Variants in WDR70 observed in about 807,000 individuals in gnomAD.
WDR70 encodes WD repeat domain 70, also known as WD repeat-containing protein 70.
A neutral mutation model predicts 88.6 loss-of-function variants in WDR70; 53 were observed. That is an observed-to-expected ratio of 0.60 (90% CI 0.48 to 0.75). The LOEUF (loss-of-function observed/expected upper bound fraction) is 0.75. Among genes scored for constraint, WDR70 ranks in the 30% least tolerant of loss-of-function variants. The pLI is 0.00. For synonymous variants in WDR70, 280 were observed against 270.0 expected (o/e 1.04, Z -0.36); for missense variants, 610 against 823.2 (o/e 0.74, Z 3.17).
chr5:37,645,980 T>C (rs976820930), intron 10 of WDR70, among the ~76,000 whole-genome samples: 2 of 152,120 alleles, frequency 1.3e-5, no homozygotes, highest in East Asian at 1.9e-4. Flanking sequence ...ATATTATTGA[T>C]AAGTAAGGAA....
chr5:37,526,251 C>T (rs955674944), intron 9 of WDR70, among the ~76,000 whole-genome samples: 12 of 152,180 alleles, frequency 7.9e-5, no homozygotes, highest in African/African-American at 1.9e-4. Context: ...ACTGACAAAC[C>T]GAATCCAGCA....
intron 13 of WDR70, among the ~76,000 whole-genome samples, chr5:37,719,358 C>A (rs1052235256): frequency 6.8e-6 from 1 of 146,026 alleles, no homozygotes; most frequent in South Asian, 2.2e-4. Context: ...AACCCCCCCC[C>A]CAAAAAATAC....
At chr5:37,673,711 C>T (rs968197385) in intron 10 of WDR70, among the ~76,000 whole-genome samples, 8 of 151,572 alleles carry the variant, frequency 5.3e-5, no homozygotes, top group Non-Finnish European at 1.0e-4. Context: ...ATCATCCCAA[C>T]ACACAGATAC....
intron 10 of WDR70, among the ~76,000 whole-genome samples, chr5:37,686,827 C>G (rs1746618326): frequency 1.3e-5 from 2 of 151,304 alleles, no homozygotes; most frequent in South Asian, 4.2e-4. Flanking sequence ...CGTTTTCCAT[C>G]TTGGTGAATA....
intron 17 of WDR70, 106 bp downstream of exon 17, chr5:37,727,151 A>AT: frequency 1.4e-6 from 2 of 1,390,072 alleles, no homozygotes; most frequent in Non-Finnish European, 9.6e-7. Context: ...CTTATTTCAT[A>AT]CTTAGATATG....
chr5:37,513,160 C>A (rs558173752), intron 8 of WDR70, among the ~76,000 whole-genome samples: 2 of 152,010 alleles, frequency 1.3e-5, no homozygotes, highest in African/African-American at 4.8e-5. Context: ...TTCCAAAAGT[C>A]AAAAAATGAA....
At position 37,476,637 on chromosome 5, in the gene WDR70, G is replaced by A. The variant is rs111467125; in HGVS notation, c.687-3197G>A. ...GCAATCTTGACTCACTGCAACTTCC[G>A]CCTCCTGAGATCAAGCAGTTCTCCT... On this transcript the variant is annotated intron_variant, in intron 7 of 17. Coordinates refer to ENST00000265107, the MANE Select transcript of WDR70 (RefSeq NM_018034.4). Among the ~76,000 whole-genome samples the A allele has an allele frequency of 6.1e-3, 928 of 151,192 alleles. 10 individuals are homozygous for A. Among genetic ancestry groups the A allele is most frequent in the African/African-American group, 0.021 (868 of 41,200 alleles).
intron 5 of WDR70, among the ~76,000 whole-genome samples, chr5:37,429,267 C>T (rs1750231084): frequency 1.3e-5 from 2 of 152,182 alleles, no homozygotes; most frequent in Admixed American, 6.5e-5. Context: ...TATTTTGTCA[C>T]ATAAATGTAT....
At chr5:37,564,051 C>T (rs945245860) in intron 9 of WDR70, among the ~76,000 whole-genome samples, 3 of 147,488 alleles carry the variant, frequency 2.0e-5, no homozygotes, top group African/African-American at 7.5e-5. Context: ...ACTGGGCAGC[C>T]AGGCAGAGAA....
At chr5:37,481,630 G>A (rs936674047) in intron 8 of WDR70, among the ~76,000 whole-genome samples, 2 of 152,102 alleles carry the variant, frequency 1.3e-5, no homozygotes, top group Admixed American at 1.3e-4. Flanking sequence ...AAGCCTCCAG[G>A]CCTGTGATGG....
At chr5:37,670,126 T>C (rs1270350952) in intron 10 of WDR70, among the ~76,000 whole-genome samples, 4 of 152,196 alleles carry the variant, frequency 2.6e-5, no homozygotes, top group Admixed American at 2.0e-4. Flanking sequence ...TCTTGGAATA[T>C]ACTGAAAACG....
rs71604872 is a variant in WDR70 at position 37,643,375 on chromosome 5, C to T, written c.1092+38137C>T. On this transcript the variant is annotated intron_variant, in intron 10 of 17. Transcript: ENST00000265107. ...TTTTTATGCCAGTACCTTGCTATTT[C>T]GGTTACTGTACCTTTGTAGTGTAAT... Among the ~76,000 whole-genome samples the T allele has an allele frequency of 6.3e-4, 95 of 151,984 alleles. 1 individual carries two copies. Among genetic ancestry groups the T allele is most frequent in the Non-Finnish European group, 1.1e-3 (73 of 67,848 alleles).
chr5:37,540,421 T>C (rs759540339), intron 9 of WDR70, among the ~76,000 whole-genome samples: 2 of 152,164 alleles, frequency 1.3e-5, no homozygotes, highest in Non-Finnish European at 2.9e-5. Context: ...TCACTCTGTT[T>C]GCCAGGCTGG....
At chr5:37,478,734 G>A (rs1739562493) in intron 7 of WDR70, among the ~76,000 whole-genome samples, 3 of 152,186 alleles carry the variant, frequency 2.0e-5, no homozygotes, top group African/African-American at 4.8e-5. Flanking sequence ...CTGTTTTGGG[G>A]TGGTATAATA....
At chr5:37,429,653 G>T (rs182337278) in intron 5 of WDR70, among the ~76,000 whole-genome samples, 1 of 152,004 alleles carries the variant, frequency 6.6e-6, no homozygotes, top group African/African-American at 2.4e-5. Flanking sequence ...TATATGTGTG[G>T]GTTAATTTCT....
chr5:37,485,858 ATTTTTTTTTTTT>A (rs57109943), intron 8 of WDR70, among the ~76,000 whole-genome samples: 30 of 108,278 alleles, frequency 2.8e-4, no homozygotes, highest in East Asian at 2.2e-3. Flanking sequence ...TGCCTGGCTA[ATTTTTTTTTTTT>A]TTTTTTTTTT....
chr5:37,497,990 T>G (rs1740281583), intron 8 of WDR70, among the ~76,000 whole-genome samples: 1 of 152,092 alleles, frequency 6.6e-6, no homozygotes, highest in Admixed American at 6.6e-5. Flanking sequence ...CCTATCTAAT[T>G]TTTGTATTTT....
intron 10 of WDR70, among the ~76,000 whole-genome samples, chr5:37,611,404 A>G (rs1184930139): frequency 6.6e-6 from 1 of 152,118 alleles, no homozygotes; most frequent in East Asian, 1.9e-4. Flanking sequence ...TATGTGTACT[A>G]AGCTAGATTG....
intron 10 of WDR70, among the ~76,000 whole-genome samples, chr5:37,660,561 C>T (rs1348558465): frequency 1.3e-5 from 2 of 151,894 alleles, no homozygotes; most frequent in African/African-American, 4.8e-5. Flanking sequence ...ACCCTGACTC[C>T]TGGTAACATT....
Sources: allele counts gnomAD v4.1 joint callset (sites outside exome capture counted in the v4.1 genomes callset), GRCh38; gene constraint gnomAD v4.1.1; transcripts MANE v1.5; gene names NCBI Gene and HGNC (gene_info 2026-07-23, HGNC 2026-07-21).